NR2F1: variants seen among roughly 807,000 people sequenced by gnomAD.
The protein encoded by NR2F1 is COUP transcription factor 1.
NR2F1 carries 1 observed loss-of-function variant against 37.7 expected under a neutral mutation model. The observed-to-expected ratio is 0.03, with a 90% CI of 0.01 to 0.13. NR2F1 has a LOEUF of 0.13. Ranked by LOEUF, NR2F1 falls within the 10% of genes least tolerant of loss-of-function variation. The pLI is 1.00. For missense variants in NR2F1, 268 were observed against 578.4 expected, an observed-to-expected ratio of 0.46 and a Z score of 5.50; for synonymous variants, 275 against 259.6, an observed-to-expected ratio of 1.06 and a Z score of -0.57.
In NR2F1 at chr5:93,584,147, C is replaced by G. The variant is rs1753179312; in HGVS notation, c.-877C>G. 1 of 149,724 alleles carries G rather than the reference C, an allele frequency of 6.7e-6. No homozygotes were observed. Among genetic ancestry groups the G allele is most frequent in the Non-Finnish European group, 1.5e-5 (1 of 67,276 alleles). 9.3% of individuals were successfully genotyped at this position (149,724 alleles called of 1,614,324 possible). On this transcript the variant is annotated 5_prime_UTR_variant, in exon 1 of 3. Transcript: ENST00000327111. The stretch of plus-strand genomic sequence containing the variant: ...CCCGCACTCCCGAGCCCGGCGAGGG[C>G]TCCCGCCGGGACAGCGGCGGCGCCG...
In NR2F1 at chr5:93,593,859, A is replaced by C; in HGVS notation, c.*17A>C. The C allele has an allele frequency of 6.2e-7, 1 of 1,608,776 alleles. No homozygotes were observed. On this transcript the variant is annotated 3_prime_UTR_variant, in exon 3 of 3. Transcript: ENST00000327111. This position sits in a 1 kb window ranked among gnomAD's most constrained non-coding sequence, Gnocchi z 5.6. ...TGCTCCTAGACCTTGGGCGCTTCCC[A>C]CCTGCCCCGTCCCCCTAGAGACTCA...
chr5:93,588,689 G>A (rs1753276882), intron 2 of NR2F1, among the ~76,000 whole-genome samples: 1 of 151,386 alleles, frequency 6.6e-6, no homozygotes, highest in East Asian at 1.9e-4. Flanking sequence ...GGGCGGCCGG[G>A]CCTAGTCGCC....
chr5:93,585,523 G>C (rs775186785), intron 1 of NR2F1, 37 bp downstream of exon 1: 8 of 1,521,840 alleles, frequency 5.3e-6, no homozygotes, highest in East Asian at 4.7e-5. Flanking sequence ...CCCGCGCTTC[G>C]CCCGCCTCCC....
Position 93,593,151 on chromosome 5 carries a change from A to G in NR2F1, c.992-411A>G, listed in dbSNP as rs957753968. Among the ~76,000 whole-genome samples, 5 of 152,192 alleles carry G rather than the reference A, an allele frequency of 3.3e-5. No individual in the cohort carries two copies. The highest frequency in any genetic ancestry group is 7.3e-5 in the Non-Finnish European group (5 of 68,046). On this transcript the variant is annotated intron_variant, in intron 2 of 2. Coordinates refer to ENST00000327111, the MANE Select transcript of NR2F1 (RefSeq NM_005654.6). This position sits in a 1 kb window ranked among gnomAD's most constrained non-coding sequence, Gnocchi z 5.6. ...CCAGATCAGAGGCAAATGGGGCAAAAGTTAATGAGCACGGCCAGAAAGATG... is the reference window on the plus strand; with the variant it reads ...CCAGATCAGAGGCAAATGGGGCAAAGGTTAATGAGCACGGCCAGAAAGATG...
chr5:93,593,209 G>A lies in NR2F1; in HGVS notation c.992-353G>A, dbSNP rs919213312. On this transcript the variant is annotated intron_variant, in intron 2 of 2. Transcript: ENST00000327111. The surrounding 1 kb of genome is among the most constrained non-coding windows in gnomAD (Gnocchi z 5.6). Reference sequence around the variant, plus strand: ...GCAGGCCGAGGACAGGTTGTTAAGCGCAGCAAACATGGTTCCAGCATTGTA... The same window carrying A: ...GCAGGCCGAGGACAGGTTGTTAAGCACAGCAAACATGGTTCCAGCATTGTA... Among the ~76,000 whole-genome samples the A allele has an allele frequency of 2.6e-5, 4 of 152,174 alleles. No homozygotes were observed. Among genetic ancestry groups the A allele is most frequent in the African/African-American group, 7.2e-5 (3 of 41,432 alleles).
chr5:93,583,474 C>A lies in NR2F1; in HGVS notation c.-1550C>A. ...CTCCTTTCTCTCCTTTTTCTCCCTC[C>A]TCCTTGTCTCTTTTACTCCATTCCT... is the stretch of plus-strand genomic sequence containing the variant. On this transcript the variant is annotated 5_prime_UTR_variant, in exon 1 of 3. Coordinates refer to ENST00000327111, the MANE Select transcript of NR2F1 (RefSeq NM_005654.6). 6.6e-6 allele frequency: 1 copy of A among 151,728 alleles called. No homozygotes were observed. The allele number at this position is 151,728 out of a possible 1,614,324, so 9.4% of individuals were successfully genotyped here.
rs748864451 is a variant in NR2F1 at position 93,587,967 on chromosome 5, G to C, written c.514G>C (p.Ala172Pro). 14 of 1,610,446 alleles carry C rather than the reference G, an allele frequency of 8.7e-6. No homozygotes were observed. The highest frequency in any genetic ancestry group is 1.2e-5 in the Non-Finnish European group (14 of 1,177,894). The change falls in exon 2 of 3, where the codon GCA becomes CCA. Residue 172 changes from alanine (A) to proline (P), a missense_variant. By Grantham distance (27) the Ala-to-Pro change is conservative. Around this residue, in one of 5 missense-constraint regions of NR2F1, gnomAD observed 42 missense variants for 72.5 expected, o/e 0.58. Transcript: ENST00000327111. ...AACCCAGCCCAATCCAGGCCAGTAC[G>C]CACTCACCAACGGGGACCCCCTCAA... The part of the protein sequence containing the change: ...PPTQPNPGQY[A>P]LTNGDPLNGH...
In NR2F1 at chr5:93,593,829, T is replaced by A; in HGVS notation, c.1259T>A (p.Ile420Asn). Reference sequence around the variant, plus strand: ...AGCTTCAACTGGCCTTACATGTCCATCCAGTGCTCCTAGACCTTGGGCGCT... The same window carrying A: ...AGCTTCAACTGGCCTTACATGTCCAACCAGTGCTCCTAGACCTTGGGCGCT... ...GSSFNWPYMS[I>N]QCS The change falls in exon 3 of 3, where the codon ATC becomes AAC. Residue 420 changes from isoleucine to asparagine, a missense_variant. Physicochemically the swap from Ile to Asn is moderately radical, Grantham distance 149. Transcript: ENST00000327111. This position sits in a 1 kb window ranked among gnomAD's most constrained non-coding sequence, Gnocchi z 5.6. 6.2e-7 allele frequency: 1 copy of A among 1,614,102 alleles called. No homozygotes were observed. Among genetic ancestry groups the A allele is most frequent in the Non-Finnish European group, 8.5e-7 (1 of 1,179,988 alleles).
In NR2F1 at chr5:93,588,308, G is replaced by A; in HGVS notation, c.855G>A (p.Ser285=). Residue 285 remains serine, a synonymous_variant, in exon 2 of 3, where the codon TCG becomes TCA. Transcript: ENST00000327111. ...PLLAAAGLHA[S]PMSADRVVAF... ...TGGCCGCCGCCGGCCTGCATGCCTC[G>A]CCCATGTCTGCCGACCGCGTCGTGG... 2.5e-6 allele frequency: 4 copies of A among 1,613,268 alleles called. No individual in the cohort carries two copies. The highest frequency in any genetic ancestry group is 3.4e-6 in the Non-Finnish European group (4 of 1,179,860).
chr5:93,587,724 T>G (rs1753256723), intron 1 of NR2F1, among the ~76,000 whole-genome samples, 193 bp from the exon 2 acceptor site: 1 of 152,214 alleles, frequency 6.6e-6, no homozygotes, highest in Admixed American at 6.5e-5. Flanking sequence ...CTGGACACAC[T>G]GAGCTGTGGA....
At chr5:93,587,821 A>C in intron 1 of NR2F1, 96 bp from the exon 2 acceptor site, 1 of 1,309,108 alleles carries the variant, frequency 7.6e-7, no homozygotes, top group South Asian at 1.4e-5. Context: ...TGGCTGCGGG[A>C]AGAGCTTCTG....
Position 93,585,211 on chromosome 5 carries a change from C to G in NR2F1, c.188C>G (p.Thr63Ser). The change falls in exon 1 of 3, where the codon ACC (threonine) becomes AGC (serine). Residue 63 changes from threonine to serine, a missense_variant. By Grantham distance (58) the Thr-to-Ser change is moderately conservative (BLOSUM62 1). Coordinates refer to ENST00000327111, the MANE Select transcript of NR2F1 (RefSeq NM_005654.6). ...QTPGQPGAPA[T>S]PGTAGDKGQG... ...CCGGGCCAGCCCGGAGCGCCCGCCA[C>G]CCCCGGCACGGCGGGGGACAAGGGC... The G allele has an allele frequency of 6.5e-7, 1 of 1,542,644 alleles. No homozygotes were observed. Among genetic ancestry groups the G allele is most frequent in the Non-Finnish European group, 8.7e-7 (1 of 1,144,270 alleles).
chr5:93,589,253 GCAGTGGTAACATGCATGTTAACAAT>G (rs1055635082), intron 2 of NR2F1, among the ~76,000 whole-genome samples: 2 of 152,212 alleles, frequency 1.3e-5, no homozygotes, highest in Non-Finnish European at 2.9e-5. Context: ...TTATGTGTAG[GCAGTGGTAACATGCATGTTAACAAT>G]TTCTCTTATG....
At position 93,593,623 on chromosome 5, in the gene NR2F1, A is replaced by C. The variant is rs1483112078; in HGVS notation, c.1053A>C (p.Ala351=). The C allele has an allele frequency of 5.6e-6, 9 of 1,613,838 alleles. No individual in the cohort carries two copies. Among genetic ancestry groups the C allele is most frequent in the Non-Finnish European group, 7.6e-6 (9 of 1,180,024 alleles). Residue 351 remains alanine, a synonymous_variant, in exon 3 of 3, where the codon GCA becomes GCC. Coordinates refer to ENST00000327111, the MANE Select transcript of NR2F1 (RefSeq NM_005654.6). The surrounding 1 kb of genome is among the most constrained non-coding windows in gnomAD (Gnocchi z 5.6). The part of the protein sequence containing the change: ...IESLQEKSQC[A]LEEYVRSQYP... ...GCCTGCAGGAGAAGTCGCAGTGCGC[A>C]CTGGAGGAGTACGTGAGGAGCCAGT...
At position 93,588,035 on chromosome 5, in the gene NR2F1, C is replaced by G. The variant is rs1408449373; in HGVS notation, c.582C>G (p.Arg194=). The G allele has an allele frequency of 1.9e-6, 3 of 1,614,080 alleles. No individual in the cohort carries two copies. Among genetic ancestry groups the G allele is most frequent in the Non-Finnish European group, 2.5e-6 (3 of 1,180,010 alleles). The part of the protein sequence containing the change: ...YLSGYISLLL[R]AEPYPTSRYG... ...CCGGCTACATCTCGCTGCTGCTGCG[C>G]GCCGAGCCCTACCCCACGTCGCGCT... Residue 194 remains arginine (R), a synonymous_variant, in exon 2 of 3, where the codon CGC becomes CGG. Coordinates refer to ENST00000327111, the MANE Select transcript of NR2F1 (RefSeq NM_005654.6).
chr5:93,584,866 G>T lies in NR2F1; in HGVS notation c.-158G>T. On this transcript the variant is annotated 5_prime_UTR_variant, in exon 1 of 3. Transcript: ENST00000327111. ...CGGCGGAGGCAGCGGCCGGTGTCCG[G>T]CTCGGGCTCGGCTCCTGCGACCCCG... 6.2e-6 allele frequency: 1 copy of T among 160,548 alleles called. No homozygotes were observed. Among genetic ancestry groups the T allele is most frequent in the Non-Finnish European group, 1.3e-5 (1 of 77,422 alleles). The allele number at this position is 160,548 out of a possible 1,614,324, so 9.9% of individuals were successfully genotyped here.
chr5:93,591,702 G>T (rs1011211960), intron 2 of NR2F1, among the ~76,000 whole-genome samples: 1 of 152,044 alleles, frequency 6.6e-6, no homozygotes, highest in Non-Finnish European at 1.5e-5. Context: ...AAAAAAATCT[G>T]CCGGGATACC....
intron 1 of NR2F1, 87 bp downstream of exon 1, chr5:93,585,573 G>T (rs1753215236): frequency 1.9e-6 from 2 of 1,080,500 alleles, no homozygotes; most frequent in Non-Finnish European, 2.7e-6. Flanking sequence ...GTTGCTGTGT[G>T]GGGCTGGGGC....
intron 1 of NR2F1, 198 bp from the exon 2 acceptor site, chr5:93,587,717 GAC>G: frequency 3.4e-6 from 2 of 595,680 alleles, no homozygotes; most frequent in Non-Finnish European, 5.8e-6. Flanking sequence ...GCAGTGGCTG[GAC>G]ACACTGAGCT....
Sources: allele counts gnomAD v4.1 joint callset (sites outside exome capture counted in the v4.1 genomes callset), GRCh38; gene constraint gnomAD v4.1.1; regional missense constraint gnomAD v4.1.1; non-coding constraint Gnocchi (gnomAD v3.1); transcripts MANE v1.5; gene names NCBI Gene and HGNC (gene_info 2026-07-23, HGNC 2026-07-21).